Variants in FRMD4B observed in about 807,000 individuals in gnomAD.
FRMD4B encodes FERM domain-containing protein 4B.
FRMD4B carries 74 observed loss-of-function variants against 141.5 expected under a neutral mutation model. The ratio of observed to expected loss-of-function variants is 0.52; its 90% CI spans 0.43 to 0.63. The LOEUF (loss-of-function observed/expected upper bound fraction) is 0.63, where lower values mean the gene tolerates loss of function less well. FRMD4B is among the 30% of genes least tolerant of loss of function. FRMD4B has a pLI of 0.00. For synonymous variants in FRMD4B, 506 were observed against 467.9 expected (o/e 1.08, Z -1.05); for missense variants, 1,366 against 1,253.4 (o/e 1.09, Z -1.36).
chr3:69,454,858 C>A (rs113300754), intron 1 of FRMD4B, among the ~76,000 whole-genome samples: 5 of 152,212 alleles, frequency 3.3e-5, no homozygotes, highest in South Asian at 2.1e-4. Flanking sequence ...GTGGCCCCTG[C>A]GTGGGATCCA....
intron 1 of FRMD4B, among the ~76,000 whole-genome samples, chr3:69,465,314 C>T (rs1288590015): frequency 4.5e-5 from 6 of 134,274 alleles, no homozygotes; most frequent in South Asian, 4.9e-4. Flanking sequence ...AGCGAGGCTC[C>T]GTCTCAAAAA....
rs527850435 is a variant in FRMD4B at position 69,263,984 on chromosome 3, C to T, written c.502-13885G>A. Among the ~76,000 whole-genome samples, 39 of 151,688 alleles carry T rather than the reference C, an allele frequency of 2.6e-4. No homozygotes were observed. In the South Asian group the frequency reaches 7.9e-3, roughly 31 times the overall value. ...GGGATTACAGGCACACACCCCCAAG[C>T]CCTGCTAATTTTTGTATTTTTAGAG... On this transcript the variant is annotated intron_variant, in intron 5 of 22. Transcript: ENST00000398540.
rs73838342 is a variant in FRMD4B, at chr3:69,298,515, C to G, written c.416+3828G>C. On this transcript the variant is annotated intron_variant, in intron 4 of 22. Coordinates refer to ENST00000398540, the MANE Select transcript of FRMD4B (RefSeq NM_015123.3). ...GTTATGCTCTCAAGCTCAAAACCCA[C>G]AGGCCCCAATGCTCTACAGGCCAAC... Among the ~76,000 whole-genome samples, 637 of 152,348 alleles carry G rather than the reference C, an allele frequency of 4.2e-3. 6 individuals carry two copies. The highest frequency in any genetic ancestry group is 0.014 in the African/African-American group (599 of 41,580).
intron 2 of FRMD4B, among the ~76,000 whole-genome samples, chr3:69,391,923 T>C (rs1048565231): frequency 6.6e-6 from 1 of 152,188 alleles, no homozygotes; most frequent in African/African-American, 2.4e-5. Context: ...TAAATGCTGC[T>C]AGGTGGGGTA....
At chr3:69,302,311 G>T (rs752980449) in intron 4 of FRMD4B, 32 bp downstream of exon 4, 2 of 477,304 alleles carry the variant, frequency 4.2e-6, no homozygotes, top group Non-Finnish European at 7.2e-6. Flanking sequence ...AGCAAAAAAA[G>T]AGGGATGCTA....
chr3:69,467,373 C>G (rs1532525), intron 1 of FRMD4B, among the ~76,000 whole-genome samples: 38,770 of 152,170 alleles, frequency 0.25, 5,139 homozygotes, highest in Middle Eastern at 0.3. Context: ...AATCCATGCT[C>G]ACAACTACTA....
chr3:69,208,645 A>T (rs4405925), intron 11 of FRMD4B, among the ~76,000 whole-genome samples: 9,388 of 152,222 alleles, frequency 0.062, 417 homozygotes, highest in Middle Eastern at 0.15. Flanking sequence ...TTCCCTGAAC[A>T]CACCAAATGT....
chr3:69,245,830 A>ATTT, intron 7 of FRMD4B, among the ~76,000 whole-genome samples: 1 of 103,218 alleles, frequency 9.7e-6, no homozygotes, highest in Non-Finnish European at 2.0e-5. Flanking sequence ...TGCCAGGCTA[A>ATTT]TTTGTTTTTT....
intron 1 of FRMD4B, among the ~76,000 whole-genome samples, chr3:69,471,218 C>T (rs1193096658): frequency 2.6e-5 from 4 of 151,982 alleles, no homozygotes; most frequent in Admixed American, 6.6e-5. Flanking sequence ...TCAAATAGAC[C>T]GGGCTAAGTC....
chr3:69,286,124 T>C (rs1426096912), intron 5 of FRMD4B, among the ~76,000 whole-genome samples: 1 of 152,174 alleles, frequency 6.6e-6, no homozygotes, highest in African/African-American at 2.4e-5. Flanking sequence ...TCACCACTAG[T>C]ATGCCCACAC....
At chr3:69,205,193 G>A (rs2093013089) in intron 11 of FRMD4B, among the ~76,000 whole-genome samples, 2 of 151,200 alleles carry the variant, frequency 1.3e-5, no homozygotes, top group South Asian at 4.2e-4. Flanking sequence ...ATGAGATAGG[G>A]TCTTGGTCTG....
Position 69,421,448 on chromosome 3 carries a change from CAT to C in FRMD4B, c.-1+11184_-1+11185del, listed in dbSNP as rs1257854661. ...AGGGAACAGTGGGGACTGGAGAGCA[CAT>C]GTTTTGTCCAGTGAGGGCATTCCCA... On this transcript the variant is annotated intron_variant, in intron 2 of 5. Coordinates refer to the FRMD4B transcript ENST00000459638. 3.3e-5 allele frequency among the ~76,000 whole-genome samples: 5 copies of C among 152,302 alleles called. No individual in the cohort carries two copies. In the East Asian group the frequency reaches 7.7e-4, roughly 24 times the overall value.
intron 1 of FRMD4B, among the ~76,000 whole-genome samples, chr3:69,493,505 T>C (rs1250835322): frequency 6.6e-6 from 1 of 152,234 alleles, no homozygotes; most frequent in Non-Finnish European, 1.5e-5. Flanking sequence ...TGAAAATTCC[T>C]AGTTCCTGGA....
intron 5 of FRMD4B, among the ~76,000 whole-genome samples, chr3:69,251,878 T>G (rs978489541): frequency 6.6e-6 from 1 of 152,290 alleles, no homozygotes. Context: ...CATTCCTTAG[T>G]TCAAAGAAAA....
chr3:69,463,776 C>T lies in FRMD4B; in HGVS notation c.-128-31015G>A, dbSNP rs774247359. ...GACTCTACGGAAATCCATAAGCAAA[C>T]TTTGGCTCATGATGCATAAAGCTAA... On this transcript the variant is annotated intron_variant, in intron 1 of 5. Coordinates refer to the FRMD4B transcript ENST00000459638. Among the ~76,000 whole-genome samples the T allele has an allele frequency of 4.6e-5, 7 of 152,322 alleles. No individual in the cohort carries two copies. In the East Asian group the frequency reaches 1.2e-3, roughly 25 times the overall value.
chr3:69,335,656 C>T (rs1702522481), intron 1 of FRMD4B, among the ~76,000 whole-genome samples: 1 of 151,758 alleles, frequency 6.6e-6, no homozygotes, highest in Non-Finnish European at 1.5e-5. Flanking sequence ...GACAATTTTT[C>T]CCCCAATACC....
intron 2 of FRMD4B, among the ~76,000 whole-genome samples, chr3:69,312,373 C>G (rs1559797646): frequency 6.6e-6 from 1 of 152,160 alleles, no homozygotes; most frequent in East Asian, 1.9e-4. Flanking sequence ...GACATCTAGA[C>G]TAAAGGTCTA....
chr3:69,442,703 C>T (rs955546884), intron 1 of FRMD4B, among the ~76,000 whole-genome samples: 10 of 152,202 alleles, frequency 6.6e-5, no homozygotes, highest in Non-Finnish European at 1.3e-4. Flanking sequence ...ATGTCATGTC[C>T]TCTTTGCCCA....
At chr3:69,251,457 A>G (rs1487935631) in intron 5 of FRMD4B, among the ~76,000 whole-genome samples, 1 of 152,234 alleles carries the variant, frequency 6.6e-6, no homozygotes, top group Non-Finnish European at 1.5e-5. Flanking sequence ...TTCTCAAAAA[A>G]CAAACAATAA....
Sources: gnomAD v4.1 joint callset for allele counts (sites outside exome capture counted in the v4.1 genomes callset) on GRCh38, gnomAD v4.1.1 for gene constraint, MANE v1.5 for transcripts, NCBI Gene and HGNC (gene_info 2026-07-23, HGNC 2026-07-21) for gene names.